FGF14: variants seen among roughly 807,000 people sequenced by gnomAD.
The protein encoded by FGF14 is fibroblast growth factor 14.
Under a neutral mutation model 25.5 loss-of-function variants are expected in FGF14, and 5 were observed. The ratio of observed to expected loss-of-function variants is 0.20; its 90% CI spans 0.10 to 0.41. The LOEUF (loss-of-function observed/expected upper bound fraction) is 0.41. Among genes scored for constraint, FGF14 ranks in the 10% least tolerant of loss-of-function variants. The probability of loss-of-function intolerance (pLI) is 1.00; values close to 1 mark genes in which losing one functional copy is unlikely to be tolerated. For synonymous variants in FGF14, 138 were observed against 118.3 expected (o/e 1.17, Z -1.08); for missense variants, 222 against 320.1 (o/e 0.69, Z 2.34).
At chr13:102,327,560 T>C (rs1349375301) in intron 1 of FGF14, among the ~76,000 whole-genome samples, 1 of 152,162 alleles carries the variant, frequency 6.6e-6, no homozygotes, top group East Asian at 1.9e-4. Context: ...ATCAGCTGGG[T>C]GTGGTGGTTC....
At chr13:101,799,458 C>T (rs906873304) in intron 3 of FGF14, among the ~76,000 whole-genome samples, 2 of 151,954 alleles carry the variant, frequency 1.3e-5, no homozygotes, top group Admixed American at 6.6e-5. Context: ...AGGTGATTTG[C>T]CACAGCAGAA....
chr13:101,980,361 C>A (rs2038174750), intron 1 of FGF14, among the ~76,000 whole-genome samples: 1 of 149,406 alleles, frequency 6.7e-6, no homozygotes. Flanking sequence ...AAAAACGGGG[C>A]TAGAAAGCAT....
At chr13:101,817,221 A>G (rs9518574) in intron 3 of FGF14, among the ~76,000 whole-genome samples, 37,835 of 152,070 alleles carry the variant, frequency 0.25, 5,654 homozygotes, top group Middle Eastern at 0.35. Context: ...CTCAGGCTAC[A>G]TCTTCTTTAT....
At chr13:102,006,775 T>C (rs2039822485) in intron 1 of FGF14, among the ~76,000 whole-genome samples, 1 of 131,410 alleles carries the variant, frequency 7.6e-6, no homozygotes, top group South Asian at 2.7e-4. Context: ...TCTCGCTCTG[T>C]CGCCCAGGTC....
chr13:101,809,313 T>C (rs990235664), intron 3 of FGF14, among the ~76,000 whole-genome samples: 1 of 152,130 alleles, frequency 6.6e-6, no homozygotes, highest in Non-Finnish European at 1.5e-5. Flanking sequence ...ATCTTTAACC[T>C]TATGCCTTTT....
At chr13:101,861,256 A>G (rs1421120703) in intron 3 of FGF14, among the ~76,000 whole-genome samples, 1 of 152,088 alleles carries the variant, frequency 6.6e-6, no homozygotes, top group Non-Finnish European at 1.5e-5. Flanking sequence ...TCATCATCCA[A>G]TAGTCATTCC....
chr13:101,849,682 T>C (rs2043646426), intron 3 of FGF14, among the ~76,000 whole-genome samples: 1 of 152,102 alleles, frequency 6.6e-6, no homozygotes, highest in African/African-American at 2.4e-5. Context: ...GAGAGAGAGA[T>C]ACATGGCTGA....
intron 1 of FGF14, among the ~76,000 whole-genome samples, chr13:102,253,722 T>A (rs889427900): frequency 6.6e-6 from 1 of 152,212 alleles, no homozygotes; most frequent in African/African-American, 2.4e-5. Context: ...TCTTTATGGG[T>A]TTTTTTCCCC....
chr13:102,292,517 T>C (rs2054476307), intron 1 of FGF14: 1 of 152,144 alleles, frequency 6.6e-6, no homozygotes, highest in Non-Finnish European at 1.5e-5. Context: ...CTCGCATATA[T>C]CTACTACAGT....
intron 1 of FGF14, among the ~76,000 whole-genome samples, chr13:102,261,686 T>C (rs1237478220): frequency 6.6e-6 from 1 of 152,222 alleles, no homozygotes; most frequent in Non-Finnish European, 1.5e-5. Flanking sequence ...TAAGGAAATA[T>C]GTAAGCACAT....
At chr13:101,959,363 TTC>T (rs140987589) in intron 1 of FGF14, among the ~76,000 whole-genome samples, 1 of 152,028 alleles carries the variant, frequency 6.6e-6, no homozygotes, top group African/African-American at 2.4e-5. Flanking sequence ...ATGGTGTGTG[TTC>T]TCTCTCGCTG....
intron 1 of FGF14, among the ~76,000 whole-genome samples, chr13:102,340,449 A>C (rs1488201263): frequency 2.0e-5 from 3 of 151,250 alleles, no homozygotes; most frequent in Non-Finnish European, 4.4e-5. Context: ...ATACACACAC[A>C]CACACACACA....
At chr13:102,148,571 G>A (rs1158608163) in intron 1 of FGF14, among the ~76,000 whole-genome samples, 1 of 152,164 alleles carries the variant, frequency 6.6e-6, no homozygotes, top group Non-Finnish European at 1.5e-5. Context: ...CACTTTGGGA[G>A]GTCTAGCCAG....
chr13:102,401,988 G>A, upstream of FGF14: 1 of 417,080 alleles, frequency 2.4e-6, no homozygotes, highest in South Asian at 2.3e-5. Flanking sequence ...TCTGCAGAAG[G>A]CAAAGCAGGA....
At chr13:101,724,597 A>ATATATAT (rs2035247655) in intron 4 of FGF14, among the ~76,000 whole-genome samples, 1 of 121,286 alleles carries the variant, frequency 8.2e-6, no homozygotes, top group Non-Finnish European at 1.7e-5. Context: ...ATAATAATAA[A>ATATATAT]ATATATATAT....
intron 1 of FGF14, among the ~76,000 whole-genome samples, chr13:102,111,656 C>G (rs2045231383): frequency 6.6e-6 from 1 of 150,996 alleles, no homozygotes; most frequent in African/African-American, 2.4e-5. Context: ...GTGGAGGCTG[C>G]AGTGAGCCAA....
intron 1 of FGF14, among the ~76,000 whole-genome samples, chr13:101,889,912 A>T (rs1469802382): frequency 6.6e-6 from 1 of 152,002 alleles, no homozygotes; most frequent in African/African-American, 2.4e-5. Flanking sequence ...ATTTCCTATG[A>T]CTCTACACCT....
chr13:101,794,453 T>C (rs544187545), intron 3 of FGF14, among the ~76,000 whole-genome samples: 1 of 152,234 alleles, frequency 6.6e-6, no homozygotes, highest in South Asian at 2.1e-4. Context: ...GGACCACTTA[T>C]GTACAACACT....
At chr13:101,949,212 T>C (rs2036002546) in intron 1 of FGF14, among the ~76,000 whole-genome samples, 1 of 152,230 alleles carries the variant, frequency 6.6e-6, no homozygotes, top group Non-Finnish European at 1.5e-5. Flanking sequence ...GATTGAAATC[T>C]GACCAAAATC....
Sources: gnomAD v4.1 joint callset for allele counts (sites outside exome capture counted in the v4.1 genomes callset) on GRCh38, gnomAD v4.1.1 for gene constraint, MANE v1.5 for transcripts, NCBI Gene and HGNC (gene_info 2026-07-23, HGNC 2026-07-21) for gene names.